LSAMP: variants seen among roughly 807,000 people sequenced by gnomAD.
LSAMP encodes the protein limbic system-associated membrane protein.
Under a neutral mutation model 38.6 loss-of-function variants are expected in LSAMP, and 7 were observed. That is an observed-to-expected ratio of 0.18 (90% confidence interval 0.10 to 0.34). The LOEUF is 0.34. Among genes scored for constraint, LSAMP ranks in the 10% least tolerant of loss-of-function variants. LSAMP has a pLI of 1.00. For synonymous variants in LSAMP, 154 were observed against 166.8 expected (o/e 0.92, Z 0.59); for missense variants, 313 against 420.0 (o/e 0.75, Z 2.23).
intron 1 of LSAMP, among the ~76,000 whole-genome samples, chr3:116,210,797 A>G (rs956818279): frequency 2.0e-5 from 3 of 152,242 alleles, no homozygotes; most frequent in East Asian, 3.8e-4. Context: ...ATAGTAAATA[A>G]CAATGAAAAG....
intron 1 of LSAMP, among the ~76,000 whole-genome samples, chr3:116,240,650 A>C (rs997872896): frequency 6.6e-6 from 1 of 152,204 alleles, no homozygotes; most frequent in Non-Finnish European, 1.5e-5. Context: ...AGTTGCATCA[A>C]GAATTTTTTA....
At chr3:116,082,341 T>G (rs1480427716) in intron 2 of LSAMP, among the ~76,000 whole-genome samples, 1 of 152,206 alleles carries the variant, frequency 6.6e-6, no homozygotes, top group Non-Finnish European at 1.5e-5. Context: ...CCTCTCTGAT[T>G]GCTTAGATCC....
chr3:116,227,255 A>T (rs2046352621), intron 1 of LSAMP, among the ~76,000 whole-genome samples: 1 of 152,128 alleles, frequency 6.6e-6, no homozygotes, highest in African/African-American at 2.4e-5. Context: ...TCATCTTTCT[A>T]GTCTCAATTT....
At chr3:115,899,599 A>G (rs1218771539) in intron 3 of LSAMP, among the ~76,000 whole-genome samples, 1 of 152,182 alleles carries the variant, frequency 6.6e-6, no homozygotes, top group African/African-American at 2.4e-5. Flanking sequence ...AACTCTTCCA[A>G]TATCTCAATC....
intron 3 of LSAMP, among the ~76,000 whole-genome samples, chr3:115,958,244 A>T (rs1004351409): frequency 5.3e-5 from 8 of 152,198 alleles, no homozygotes; most frequent in Non-Finnish European, 7.3e-5. Context: ...ATCAAGATTA[A>T]TATAACTTGA....
At chr3:116,204,881 G>A (rs1000569929) in intron 1 of LSAMP, among the ~76,000 whole-genome samples, 7 of 143,532 alleles carry the variant, frequency 4.9e-5, no homozygotes, top group Non-Finnish European at 9.2e-5. Flanking sequence ...CCTTGGCGAT[G>A]AGGGCTCTTT....
intron 3 of LSAMP, among the ~76,000 whole-genome samples, chr3:115,909,598 A>G (rs1347613755): frequency 6.6e-6 from 1 of 152,074 alleles, no homozygotes; most frequent in Non-Finnish European, 1.5e-5. Context: ...GTGGGTTTCT[A>G]TTTCCTCTTT....
At chr3:116,229,120 CAACAT>C (rs1484806492) in intron 1 of LSAMP, among the ~76,000 whole-genome samples, 14 of 152,140 alleles carry the variant, frequency 9.2e-5, no homozygotes, top group Non-Finnish European at 1.5e-4. Flanking sequence ...AAAGAAAAGA[CAACAT>C]AACTTATCTT....
chr3:116,019,422 A>G, intron 3 of LSAMP, 93 bp downstream of exon 3: 1 of 1,439,436 alleles, frequency 6.9e-7, no homozygotes, highest in Non-Finnish European at 9.6e-7. Context: ...TCTGATTCTG[A>G]ATTGAATTGA....
rs999868541 is a variant in LSAMP at position 116,138,374 on chromosome 3, A to G, written c.156-51818T>C. On this transcript the variant is annotated intron_variant, in intron 1 of 6. Coordinates refer to ENST00000490035, the MANE Select transcript of LSAMP (RefSeq NM_002338.5). ...TGTGGATATTTTCTTTCAGTTATAA[A>G]ATTTGGCATCAACTTTCTATTTTAA... 2.0e-5 allele frequency among the ~76,000 whole-genome samples: 3 copies of G among 152,106 alleles called. No individual in the cohort carries two copies. The East Asian group carries it at 5.8e-4, about 29-fold the overall frequency.
chr3:115,916,890 T>A (rs1363454079), intron 3 of LSAMP, among the ~76,000 whole-genome samples: 1 of 152,144 alleles, frequency 6.6e-6, no homozygotes, highest in Non-Finnish European at 1.5e-5. Flanking sequence ...CTGGGGAGGA[T>A]AGAAATAGAA....
intron 1 of LSAMP, among the ~76,000 whole-genome samples, chr3:116,112,907 A>G (rs1045529999): frequency 6.6e-6 from 1 of 152,160 alleles, no homozygotes; most frequent in Non-Finnish European, 1.5e-5. Flanking sequence ...TGGCTCTGAC[A>G]GGAGATTGCA....
chr3:116,388,178 A>G (rs1034209558), intron 1 of LSAMP, among the ~76,000 whole-genome samples: 2 of 152,168 alleles, frequency 1.3e-5, no homozygotes, highest in African/African-American at 4.8e-5. Context: ...AATATCACAG[A>G]AGCATGAAGA....
chr3:115,873,585 T>C lies in LSAMP; in HGVS notation c.515-20968A>G, dbSNP rs535194391. On this transcript the variant is annotated intron_variant, in intron 3 of 6. Transcript: ENST00000490035. ...TATTTTATTTTACTGTTCATTTTGT[T>C]TTACAAAATAATTAATCCTGTATAG... Among the ~76,000 whole-genome samples, 71 of 152,234 alleles carry C rather than the reference T, an allele frequency of 4.7e-4. 1 individual carries two copies. Among genetic ancestry groups the C allele is most frequent in the African/African-American group, 1.7e-3 (69 of 41,546 alleles).
chr3:115,901,325 A>C (rs1936868765), intron 3 of LSAMP, among the ~76,000 whole-genome samples: 1 of 151,956 alleles, frequency 6.6e-6, no homozygotes, highest in Non-Finnish European at 1.5e-5. Context: ...TGTAGGTTTC[A>C]AAGTGTGTCC....
chr3:116,439,045 T>C (rs2049394298), intron 1 of LSAMP, among the ~76,000 whole-genome samples: 4 of 152,186 alleles, frequency 2.6e-5, no homozygotes, highest in Admixed American at 2.6e-4. Flanking sequence ...GGTTTTTACC[T>C]CTATGTACAT....
intron 1 of LSAMP, among the ~76,000 whole-genome samples, chr3:116,227,945 G>A (rs997203146): frequency 3.2e-4 from 48 of 152,048 alleles, no homozygotes; most frequent in African/African-American, 1.1e-3. Context: ...CATATACAGG[G>A]CCGTAACTAT....
chr3:116,003,210 C>A (rs1940052148), intron 3 of LSAMP, among the ~76,000 whole-genome samples: 1 of 152,050 alleles, frequency 6.6e-6, no homozygotes, highest in Admixed American at 6.6e-5. Flanking sequence ...CCACAGTTTG[C>A]AAATCATATC....
In LSAMP at chr3:115,809,189, T is replaced by C. The variant is rs1933726049; in HGVS notation, c.*1128A>G. On this transcript the variant is annotated 3_prime_UTR_variant, in exon 7 of 7. Coordinates refer to ENST00000490035, the MANE Select transcript of LSAMP (RefSeq NM_002338.5). ...AAAATCTGAAATTTTCTCTCCTAGG[T>C]CACCTCGTCCACGTCATAATTCCTT... 6.6e-6 allele frequency: 1 copy of C among 152,156 alleles called. No individual in the cohort carries two copies. The highest frequency in any genetic ancestry group is 2.4e-5 in the African/African-American group (1 of 41,416). The allele number at this position is 152,156 out of a possible 1,614,324, so 9.4% of individuals were successfully genotyped here. A position where few individuals can be genotyped will look rare whatever the true frequency, so the allele number is the denominator to read the frequency against.
Sources: allele counts gnomAD v4.1 joint callset (sites outside exome capture counted in the v4.1 genomes callset), GRCh38; gene constraint gnomAD v4.1.1; transcripts MANE v1.5; gene names NCBI Gene and HGNC (gene_info 2026-07-23, HGNC 2026-07-21).